Variants in NLRP1 observed in about 807,000 individuals in gnomAD.
NLRP1 encodes the protein NACHT, LRR and PYD domains-containing protein 1.
Under a neutral mutation model 136.7 loss-of-function variants are expected in NLRP1, and 94 were observed. That is an observed-to-expected ratio of 0.69 (90% confidence interval 0.58 to 0.82). The LOEUF is 0.82. Among genes scored for constraint, NLRP1 ranks in the 40% least tolerant of loss-of-function variants. The pLI is 0.00. For missense variants in NLRP1, 1,575 were observed against 1,802.7 expected (o/e 0.87, Z 2.29); for synonymous variants, 690 against 725.1 (o/e 0.95, Z 0.78).
At position 5,532,818 on chromosome 17, in the gene NLRP1, T is replaced by G. The variant is rs1298935841; in HGVS notation, c.3296+4A>C. ...CCTGGGACCAGCAGAGCCCCCTCAC[T>G]CACCGGTACAAGTTCTTTTCTTTGT... On this transcript the variant is annotated splice_donor_region_variant and intron_variant, in intron 11 of 16. Coordinates refer to ENST00000572272, the MANE Select transcript of NLRP1 (RefSeq NM_033004.4). The G allele has an allele frequency of 6.3e-7, 1 of 1,590,476 alleles. No homozygotes were observed. The highest frequency in any genetic ancestry group is 8.5e-7 in the Non-Finnish European group (1 of 1,170,244).
At chr17:5,556,435 C>A (rs1914086548) in intron 4 of NLRP1, among the ~76,000 whole-genome samples, 1 of 141,610 alleles carries the variant, frequency 7.1e-6, no homozygotes, top group Admixed American at 7.4e-5. Context: ...GCCTAGGGGA[C>A]AGAGCGAGAC....
At chr17:5,528,448 G>A (rs949559877) in intron 12 of NLRP1, among the ~76,000 whole-genome samples, 1 of 152,100 alleles carries the variant, frequency 6.6e-6, no homozygotes, top group Non-Finnish European at 1.5e-5. Flanking sequence ...ATGCCCATAT[G>A]ACCCTGACTG....
At position 5,514,242 on chromosome 17, in the gene NLRP1, A is replaced by T; in HGVS notation, c.*512T>A. 4.6e-6 allele frequency: 1 copy of T among 218,202 alleles called. No individual in the cohort carries two copies. The highest frequency in any genetic ancestry group is 7.8e-6 in the Non-Finnish European group (1 of 128,228). The allele number at this position is 218,202 out of a possible 1,614,324, so 13.5% of individuals were successfully genotyped here. On this transcript the variant is annotated 3_prime_UTR_variant, in exon 17 of 17. Transcript: ENST00000572272. ...TCTGGTAAAAACTGGAAAGCCTGCT[A>T]GACAAATTCTAAAAGAGCTGTGATA...
At chr17:5,578,939 G>T (rs188941028) in intron 3 of NLRP1, among the ~76,000 whole-genome samples, 91 of 152,214 alleles carry the variant, frequency 6.0e-4, no homozygotes, top group Non-Finnish European at 1.1e-3. Context: ...CCATAAAAAA[G>T]GATGAGTTCA....
chr17:5,514,740 C>G lies in NLRP1; in HGVS notation c.*14G>C, dbSNP rs1567628338. 4.3e-6 allele frequency: 7 copies of G among 1,613,162 alleles called. No homozygotes were observed. Among genetic ancestry groups the G allele is most frequent in the Non-Finnish European group, 5.9e-6 (7 of 1,179,164 alleles). On this transcript the variant is annotated 3_prime_UTR_variant, in exon 17 of 17. Coordinates refer to ENST00000572272, the MANE Select transcript of NLRP1 (RefSeq NM_033004.4). Reference sequence around the variant, plus strand: ...AAAGCCAGGACTCAAGGGTCAAGGGCTGGTGTTGATACTTCAGCTGCTGAG... The same window carrying G: ...AAAGCCAGGACTCAAGGGTCAAGGGGTGGTGTTGATACTTCAGCTGCTGAG...
At chr17:5,508,487 CTATT>C (rs1344846738) in intron 15 of NLRP1, among the ~76,000 whole-genome samples, 3 of 108,694 alleles carry the variant, frequency 2.8e-5, no homozygotes, top group African/African-American at 1.5e-4. Context: ...AGTCATGAGA[CTATT>C]TATGCCCTTT....
intron 3 of NLRP1, among the ~76,000 whole-genome samples, chr17:5,569,010 A>T (rs1178071052): frequency 6.6e-6 from 1 of 152,170 alleles, no homozygotes; most frequent in Non-Finnish European, 1.5e-5. Context: ...CAAGAATTTC[A>T]TATACAGCCA....
intron 3 of NLRP1, among the ~76,000 whole-genome samples, chr17:5,580,476 T>G (rs1207427424): frequency 1.3e-5 from 2 of 152,196 alleles, no homozygotes; most frequent in Admixed American, 1.3e-4. Flanking sequence ...CCTTAGAATT[T>G]AGAATCAGGG....
At position 5,582,681 on chromosome 17, in the gene NLRP1, C is replaced by T. The variant is rs202196998; in HGVS notation, c.437G>A (p.Arg146His). The T allele has an allele frequency of 5.6e-6, 9 of 1,614,010 alleles. No homozygotes were observed. The highest frequency in any genetic ancestry group is 4.5e-5 in the East Asian group (2 of 44,888). Residue 146 changes from arginine to histidine, a missense_variant, in exon 2 of 17, where the codon CGC (arginine) becomes CAC (histidine). By Grantham distance (29) the Arg-to-His change is conservative. Transcript: ENST00000572272. ...TCAGCAAGCCTCACCTCTCCAGCGG[C>T]GTCCAGATGTGTCAGGCAGCTGTCT... The part of the protein sequence containing the change: ...VLRQLPDTSG[R>H]RWREISASLL...
intron 12 of NLRP1, chr17:5,530,078 T>G: frequency 2.2e-6 from 1 of 458,340 alleles, no homozygotes; most frequent in South Asian, 1.5e-5. Flanking sequence ...TAGTGATGGC[T>G]TCCTATTGTT....
At chr17:5,512,749 C>A (rs556020133), downstream of NLRP1, among the ~76,000 whole-genome samples, 1 of 152,290 alleles carries the variant, frequency 6.6e-6, no homozygotes, top group East Asian at 1.9e-4. Context: ...CCCTGTGTTT[C>A]CATTTTGCAC....
At chr17:5,533,551 G>GTTTTTT (rs35006823) in intron 9 of NLRP1, among the ~76,000 whole-genome samples, 167 bp from the exon 10 acceptor site, 2 of 90,016 alleles carry the variant, frequency 2.2e-5, no homozygotes, top group Non-Finnish European at 4.2e-5. Context: ...GTGAGACTCT[G>GTTTTTT]TTTTTTTTTT....
At chr17:5,577,688 G>T (rs974113362) in intron 3 of NLRP1, among the ~76,000 whole-genome samples, 6 of 152,078 alleles carry the variant, frequency 3.9e-5, no homozygotes. Context: ...TACTGCCCAA[G>T]GTAATTTATA....
At chr17:5,542,132 A>G in intron 5 of NLRP1, 105 bp from the exon 6 acceptor site, 1 of 1,153,880 alleles carries the variant, frequency 8.7e-7, no homozygotes, top group Non-Finnish European at 1.2e-6. Context: ...CCTGTGGGCC[A>G]GGCAGAGGTC....
intron 14 of NLRP1, chr17:5,518,152 C>G: frequency 3.1e-6 from 1 of 321,112 alleles, no homozygotes; most frequent in East Asian, 6.0e-5. Context: ...TCCTTCACCT[C>G]CCCCATCTTG....
chr17:5,506,448 G>A (rs1348828964), intron 15 of NLRP1, among the ~76,000 whole-genome samples: 1 of 152,136 alleles, frequency 6.6e-6, no homozygotes, highest in Non-Finnish European at 1.5e-5. Context: ...TTGAAAACAA[G>A]GTTTCAAAGA....
At chr17:5,581,632 C>T (rs887493494) in intron 3 of NLRP1, among the ~76,000 whole-genome samples, 1 of 152,152 alleles carries the variant, frequency 6.6e-6, no homozygotes, top group Non-Finnish European at 1.5e-5. Context: ...GCTCTGTTGT[C>T]CCCCAGATGT....
chr17:5,547,172 G>A (rs1352622100), intron 5 of NLRP1, among the ~76,000 whole-genome samples: 3 of 151,904 alleles, frequency 2.0e-5, no homozygotes, highest in Non-Finnish European at 4.4e-5. Flanking sequence ...TAGCATACAT[G>A]GTCCTAAGTA....
intron 3 of NLRP1, among the ~76,000 whole-genome samples, chr17:5,565,850 T>C (rs542264028): frequency 2.8e-4 from 43 of 152,330 alleles, no homozygotes; most frequent in African/African-American, 1.0e-3. Flanking sequence ...ACGGCTTCCA[T>C]GTTGTTACTT....
Sources: gnomAD v4.1 joint callset for allele counts (sites outside exome capture counted in the v4.1 genomes callset) on GRCh38, gnomAD v4.1.1 for gene constraint, MANE v1.5 for transcripts, NCBI Gene and HGNC (gene_info 2026-07-23, HGNC 2026-07-21) for gene names.